Variants in CDH12 observed in about 807,000 individuals in gnomAD.
CDH12 encodes cadherin-12.
CDH12 carries 41 observed loss-of-function variants against 74.1 expected under a neutral mutation model. The observed-to-expected ratio is 0.55, with a 90% confidence interval of 0.43 to 0.72. CDH12 has a LOEUF of 0.72. Ranked by LOEUF, CDH12 falls within the 30% of genes least tolerant of loss-of-function variation. The probability of loss-of-function intolerance (pLI) is 0.00; values close to 1 mark genes in which losing one functional copy is unlikely to be tolerated. For missense variants in CDH12, 945 were observed against 977.2 expected, an observed-to-expected ratio of 0.97 and a Z score of 0.44; for synonymous variants, 399 against 355.0, an observed-to-expected ratio of 1.12 and a Z score of -1.39.
intron 3 of CDH12, among the ~76,000 whole-genome samples, chr5:22,385,665 G>A (rs1048334617): frequency 6.6e-6 from 1 of 152,058 alleles, no homozygotes; most frequent in African/African-American, 2.4e-5. Context: ...AACCCAGACG[G>A]CCTGTATTTT....
At chr5:21,758,868 C>A (rs1048942294) in intron 13 of CDH12, among the ~76,000 whole-genome samples, 3 of 152,082 alleles carry the variant, frequency 2.0e-5, no homozygotes, top group Non-Finnish European at 4.4e-5. Context: ...GATACAGAAG[C>A]AGAAAACGAA....
chr5:22,372,114 G>A (rs557876100), intron 3 of CDH12, among the ~76,000 whole-genome samples: 163 of 152,294 alleles, frequency 1.1e-3, no homozygotes, highest in African/African-American at 3.6e-3. Context: ...AGTGGCTGGT[G>A]TACTGATGAA....
At chr5:22,531,578 T>A (rs538033868) in intron 1 of CDH12, among the ~76,000 whole-genome samples, 1 of 152,260 alleles carries the variant, frequency 6.6e-6, no homozygotes, top group Non-Finnish European at 1.5e-5. Flanking sequence ...AAACTTAGAA[T>A]AAGTATTCTA....
chr5:22,218,459 A>G (rs1386934822), intron 3 of CDH12, among the ~76,000 whole-genome samples: 2 of 151,820 alleles, frequency 1.3e-5, no homozygotes. Flanking sequence ...TTATGCTGAT[A>G]TAAAACAAGC....
At chr5:22,822,880 T>C (rs1749783488) in intron 1 of CDH12, among the ~76,000 whole-genome samples, 1 of 152,176 alleles carries the variant, frequency 6.6e-6, no homozygotes, top group Non-Finnish European at 1.5e-5. Flanking sequence ...ATCCGATTCC[T>C]GGGTATATAC....
chr5:22,591,713 C>T (rs1825792), intron 1 of CDH12, among the ~76,000 whole-genome samples: 1 of 151,994 alleles, frequency 6.6e-6, no homozygotes, highest in African/African-American at 2.4e-5. Flanking sequence ...AGTTTCAGTT[C>T]TCTTTCAGTT....
intron 1 of CDH12, among the ~76,000 whole-genome samples, chr5:22,613,510 C>T (rs533325514): frequency 2.2e-4 from 33 of 152,176 alleles, no homozygotes; most frequent in African/African-American, 6.0e-4. Flanking sequence ...TTATGAGACA[C>T]GACTCTCTTT....
rs192541174 is a variant in CDH12 at position 21,889,702 on chromosome 5, G to A, written c.527-34912C>T. The A allele has an allele frequency of 1.0e-3, 990 of 985,010 alleles. 6 individuals carry two copies. The African/African-American group carries it at 0.016, about 16-fold the overall frequency. The allele number at this position is 985,010 out of a possible 1,614,324, so 61.0% of individuals were successfully genotyped here. A position where few individuals can be genotyped will look rare whatever the true frequency, so the allele number is the denominator to read the frequency against. Reference sequence around the variant, plus strand: ...TCAGAAAGTATTCTCCAGTTCTTCTGCATTCTAGACATCTCAAAACAATAT... The same window carrying A: ...TCAGAAAGTATTCTCCAGTTCTTCTACATTCTAGACATCTCAAAACAATAT... On this transcript the variant is annotated intron_variant, in intron 6 of 14. Coordinates refer to ENST00000382254, the MANE Select transcript of CDH12 (RefSeq NM_004061.5).
At chr5:21,973,047 T>TAAAA (rs746404771) in intron 6 of CDH12, among the ~76,000 whole-genome samples, 1 of 103,626 alleles carries the variant, frequency 9.7e-6, no homozygotes, top group African/African-American at 3.3e-5. Flanking sequence ...CTACAAAAAG[T>TAAAA]AAAAAAAAAA....
intron 5 of CDH12, among the ~76,000 whole-genome samples, chr5:21,983,838 A>T (rs1380810022): frequency 6.6e-6 from 1 of 152,150 alleles, no homozygotes; most frequent in Non-Finnish European, 1.5e-5. Flanking sequence ...CAAATTTAAT[A>T]CACACAAATT....
chr5:21,780,338 A>G (rs1273656225), intron 11 of CDH12, among the ~76,000 whole-genome samples: 2 of 152,022 alleles, frequency 1.3e-5, no homozygotes, highest in East Asian at 3.9e-4. Context: ...ACTTCCTTCC[A>G]TTTTCTAAAT....
chr5:22,164,042 A>AATACAAAT (rs968095502), intron 4 of CDH12, among the ~76,000 whole-genome samples: 2 of 152,226 alleles, frequency 1.3e-5, no homozygotes, highest in Admixed American at 1.3e-4. Context: ...ACCAGAAGCA[A>AATACAAAT]TTACAGAAGA....
At chr5:22,418,691 C>A (rs1430187685) in intron 2 of CDH12, among the ~76,000 whole-genome samples, 1 of 152,040 alleles carries the variant, frequency 6.6e-6, no homozygotes, top group African/African-American at 2.4e-5. Context: ...CGAGACCAGC[C>A]TGGCCAACAT....
intron 7 of CDH12, among the ~76,000 whole-genome samples, chr5:21,852,914 TA>T (rs968667354): frequency 6.6e-6 from 1 of 151,332 alleles, no homozygotes; most frequent in African/African-American, 2.4e-5. Context: ...GATACATAAC[TA>T]TACAAGAAAA....
At chr5:22,357,464 A>G (rs1488546327) in intron 3 of CDH12, among the ~76,000 whole-genome samples, 2 of 152,290 alleles carry the variant, frequency 1.3e-5, no homozygotes, top group East Asian at 3.9e-4. Flanking sequence ...AAAAACCATC[A>G]TGATTTGTAA....
At chr5:21,919,876 C>A (rs1754273939) in intron 6 of CDH12, among the ~76,000 whole-genome samples, 1 of 152,006 alleles carries the variant, frequency 6.6e-6, no homozygotes, top group South Asian at 2.1e-4. Flanking sequence ...TGCTAAATGA[C>A]CTCCCTTCAA....
intron 3 of CDH12, among the ~76,000 whole-genome samples, chr5:22,402,250 T>G (rs765540080): frequency 6.6e-6 from 1 of 152,178 alleles, no homozygotes; most frequent in Non-Finnish European, 1.5e-5. Context: ...TTAAGACTAT[T>G]GTGATGAGCC....
At chr5:22,726,344 G>T (rs1304366654) in intron 1 of CDH12, among the ~76,000 whole-genome samples, 1 of 151,644 alleles carries the variant, frequency 6.6e-6, no homozygotes, top group Non-Finnish European at 1.5e-5. Flanking sequence ...ATGCCTTTAA[G>T]TTTCCTCCCT....
In CDH12 at chr5:21,798,673, C is replaced by T. The variant is rs575157681; in HGVS notation, c.1256+3494G>A. Among the ~76,000 whole-genome samples, 4 of 152,242 alleles carry T rather than the reference C, an allele frequency of 2.6e-5. No homozygotes were observed. The East Asian group carries it at 7.8e-4, about 30-fold the overall frequency. On this transcript the variant is annotated intron_variant, in intron 10 of 14. Coordinates refer to ENST00000382254, the MANE Select transcript of CDH12 (RefSeq NM_004061.5). The stretch of plus-strand genomic sequence containing the variant: ...GCCCTTCTAACCAAGACCCAGACAG[C>T]TCTCTTTCTCTTTCTGCTGTGTGGA...
Sources: allele counts gnomAD v4.1 joint callset (sites outside exome capture counted in the v4.1 genomes callset), GRCh38; gene constraint gnomAD v4.1.1; transcripts MANE v1.5; gene names NCBI Gene and HGNC (gene_info 2026-07-23, HGNC 2026-07-21).